The following FARS2 variants were observed in gnomAD, a reference collection of about 807,000 sequenced individuals.
FARS2 encodes phenylalanine--tRNA ligase, mitochondrial.
Under a neutral mutation model 46.4 loss-of-function variants are expected in FARS2, and 40 were observed. The observed-to-expected ratio is 0.86, with a 90% confidence interval of 0.67 to 1.12. The LOEUF is 1.12. FARS2 is among the 50% of genes most tolerant of loss of function. The pLI is 0.00. For missense variants in FARS2, 513 were observed against 567.9 expected, an observed-to-expected ratio of 0.90 and a Z score of 0.98; for synonymous variants, 234 against 214.9, an observed-to-expected ratio of 1.09 and a Z score of -0.78.
intron 5 of FARS2, among the ~76,000 whole-genome samples, chr6:5,603,293 G>A (rs1471950742): frequency 1.3e-5 from 2 of 152,044 alleles, no homozygotes; most frequent in Non-Finnish European, 1.5e-5. Context: ...AATGGTTTTC[G>A]CCACGTTGGC....
intron 6 of FARS2, among the ~76,000 whole-genome samples, chr6:5,653,022 C>T (rs1777443995): frequency 6.6e-6 from 1 of 152,176 alleles, no homozygotes; most frequent in East Asian, 1.9e-4. Context: ...ATAAAGCATG[C>T]CATACGCCGT....
rs550006796 is a variant in FARS2 at position 5,750,170 on chromosome 6, G to A, written c.1218-21121G>A. On this transcript the variant is annotated intron_variant, in intron 6 of 6. Coordinates refer to ENST00000274680, the MANE Select transcript of FARS2 (RefSeq NM_006567.5). ...TGATACGACAGCATGGCAATGCCAG[G>A]GGAATACCTAGAAGAGTGGGGCAGG... Among the ~76,000 whole-genome samples, 8 of 152,258 alleles carry A rather than the reference G, an allele frequency of 5.3e-5. No homozygotes were observed. The South Asian group carries it at 1.7e-3, about 32-fold the overall frequency.
At chr6:5,268,616 A>T (rs1246731944) in intron 1 of FARS2, among the ~76,000 whole-genome samples, 1 of 152,158 alleles carries the variant, frequency 6.6e-6, no homozygotes, top group Non-Finnish European at 1.5e-5. Context: ...GCCTGGTAGT[A>T]TAGTTTGAAG....
chr6:5,305,791 TTGC>T (rs762961351), intron 1 of FARS2, among the ~76,000 whole-genome samples: 5 of 152,148 alleles, frequency 3.3e-5, no homozygotes, highest in Non-Finnish European at 7.3e-5. Flanking sequence ...GGAGTTTTCT[TTGC>T]TGTCTGACCA....
chr6:5,594,203 A>T (rs905820557), intron 5 of FARS2, among the ~76,000 whole-genome samples: 12 of 152,176 alleles, frequency 7.9e-5, no homozygotes, highest in Admixed American at 6.5e-4. Flanking sequence ...TGAGTATCAC[A>T]AGAGGAGAGG....
rs1031940550 is a variant in FARS2, at chr6:5,343,369, G to A, written c.-21-25181G>A. Among the ~76,000 whole-genome samples the A allele has an allele frequency of 6.6e-6, 1 of 151,994 alleles. No individual in the cohort carries two copies. Among genetic ancestry groups the A allele is most frequent in the African/African-American group, 2.4e-5 (1 of 41,360 alleles). The stretch of plus-strand genomic sequence containing the variant: ...TGGGATTACAGGTGCACGCCACCAC[G>A]CCCAGCTAATTTTTGTATTTTTAGT... On this transcript the variant is annotated intron_variant, in intron 1 of 6. Coordinates refer to ENST00000274680, the MANE Select transcript of FARS2 (RefSeq NM_006567.5). This position sits in a 1 kb window ranked among gnomAD's most constrained non-coding sequence, Gnocchi z 4.5.
chr6:5,752,921 G>C (rs980447123), intron 6 of FARS2, among the ~76,000 whole-genome samples: 3 of 152,130 alleles, frequency 2.0e-5, no homozygotes, highest in African/African-American at 7.2e-5. Context: ...AAGGGACAGT[G>C]TGGTGTCCGG....
At chr6:5,451,550 G>A (rs1764492491) in intron 4 of FARS2, 1 of 152,154 alleles carries the variant, frequency 6.6e-6, no homozygotes, top group African/African-American at 2.4e-5. Context: ...AGGTCCTCAT[G>A]TAACCCATGT....
intron 5 of FARS2, among the ~76,000 whole-genome samples, chr6:5,573,628 C>T (rs2150564591): frequency 6.6e-6 from 1 of 152,330 alleles, no homozygotes; most frequent in South Asian, 2.1e-4. Flanking sequence ...TCCTTCATCC[C>T]CCATTCCCTA....
At chr6:5,572,107 T>G (rs915805821) in intron 5 of FARS2, among the ~76,000 whole-genome samples, 8 of 152,208 alleles carry the variant, frequency 5.3e-5, no homozygotes, top group Non-Finnish European at 1.2e-4. Context: ...TGCATTGCTA[T>G]AAAGAAATAC....
At chr6:5,417,778 GA>G (rs1562025404) in intron 3 of FARS2, among the ~76,000 whole-genome samples, 1 of 152,178 alleles carries the variant, frequency 6.6e-6, no homozygotes, top group African/African-American at 2.4e-5. Flanking sequence ...TATTTTTCGT[GA>G]AATCTGGAAA....
At position 5,646,399 on chromosome 6, in the gene FARS2, A is replaced by G. The variant is rs116696660; in HGVS notation, c.1217+33079A>G. On this transcript the variant is annotated intron_variant, in intron 6 of 6. Coordinates refer to ENST00000274680, the MANE Select transcript of FARS2 (RefSeq NM_006567.5). ...CTCAGCTTCTGTGAACCTGCTTCCT[A>G]CCTGTGCAGTGAGGGCAGTGGGCTC... is the stretch of plus-strand genomic sequence containing the variant. 3.6e-3 allele frequency among the ~76,000 whole-genome samples: 546 copies of G among 152,184 alleles called. 3 individuals are homozygous for G. The highest frequency in any genetic ancestry group is 0.012 in the African/African-American group (514 of 41,522).
At chr6:5,678,894 G>A (rs1220287250) in intron 6 of FARS2, among the ~76,000 whole-genome samples, 1 of 152,188 alleles carries the variant, frequency 6.6e-6, no homozygotes, top group African/African-American at 2.4e-5. Context: ...AGTTCTACCA[G>A]CTGACCGAAT....
chr6:5,499,118 G>A (rs899479410), intron 4 of FARS2, among the ~76,000 whole-genome samples: 7 of 152,178 alleles, frequency 4.6e-5, no homozygotes, highest in Admixed American at 6.5e-5. Context: ...GGCTGGTCAC[G>A]AAGCGGTGCC....
chr6:5,342,682 G>A (rs1279026689), intron 1 of FARS2, among the ~76,000 whole-genome samples: 2 of 151,994 alleles, frequency 1.3e-5, no homozygotes, highest in African/African-American at 4.8e-5. Flanking sequence ...AACCTGGGAG[G>A]CGGAGGTTGC....
intron 1 of FARS2, among the ~76,000 whole-genome samples, chr6:5,295,386 AT>A (rs985864311): frequency 5.3e-5 from 8 of 150,380 alleles, no homozygotes; most frequent in South Asian, 4.2e-4. Context: ...TGTTATTCTA[AT>A]TTTTTTTTTG....
chr6:5,419,236 G>A (rs973208365), intron 3 of FARS2, among the ~76,000 whole-genome samples: 1 of 152,130 alleles, frequency 6.6e-6, no homozygotes, highest in Non-Finnish European at 1.5e-5. Context: ...TACAAAACCA[G>A]AATTTTTATG....
At chr6:5,295,377 G>A (rs920793951) in intron 1 of FARS2, among the ~76,000 whole-genome samples, 1 of 152,078 alleles carries the variant, frequency 6.6e-6, no homozygotes, top group Admixed American at 6.6e-5. Flanking sequence ...AGCTCATGGT[G>A]TTATTCTAAT....
At chr6:5,329,651 TA>T (rs1228144923) in intron 1 of FARS2, among the ~76,000 whole-genome samples, 1 of 152,132 alleles carries the variant, frequency 6.6e-6, no homozygotes, top group Non-Finnish European at 1.5e-5. Context: ...CAACCAGCTA[TA>T]AATTGGGGGT....
Sources: gnomAD v4.1 joint callset for allele counts (sites outside exome capture counted in the v4.1 genomes callset) on GRCh38, gnomAD v4.1.1 for gene constraint, Gnocchi (gnomAD v3.1) non-coding constraint, MANE v1.5 for transcripts, NCBI Gene and HGNC (gene_info 2026-07-23, HGNC 2026-07-21) for gene names.